Variants in CSF2RA observed in about 807,000 individuals in gnomAD.
CSF2RA encodes the protein granulocyte-macrophage colony-stimulating factor receptor subunit alpha.
In CSF2RA, 42 loss-of-function variants were observed where a neutral mutation model predicts 51.6. The ratio of observed to expected loss-of-function variants is 0.81; its 90% CI spans 0.64 to 1.05. The LOEUF is 1.05. Ranked by LOEUF, CSF2RA falls within the 50% of genes least tolerant of loss-of-function variation. The pLI is 0.00. For synonymous variants in CSF2RA, 222 were observed against 193.0 expected (o/e 1.15, Z -1.24); for missense variants, 530 against 501.1 (o/e 1.06, Z -0.55).
chrX:1,277,899 C>A (rs2089404472), intron 2 of CSF2RA, among the ~76,000 whole-genome samples: 1 of 144,516 alleles, frequency 6.9e-6, no homozygotes. Context: ...ATTGCTTCAA[C>A]TTGGGAGACG....
At chrX:1,279,039 A>C (rs1311863008) in intron 2 of CSF2RA, among the ~76,000 whole-genome samples, 2 of 149,904 alleles carry the variant, frequency 1.3e-5, no homozygotes, top group East Asian at 3.9e-4. Flanking sequence ...TCCATCTCCA[A>C]AAAATAAATA....
Position 1,285,800 on chromosome X carries a change from C to A in CSF2RA, c.99C>A (p.Ala33=). The A allele has an allele frequency of 6.2e-7, 1 of 1,613,456 alleles. No homozygotes were observed. Among genetic ancestry groups the A allele is most frequent in the Non-Finnish European group, 8.5e-7 (1 of 1,179,794 alleles). The stretch of plus-strand genomic sequence containing the variant: ...CAGATCTGCGAACAGTGGCACCAGC[C>A]TCTAGTCTCAATGTGAGGTTTGACT... ...EKSDLRTVAP[A]SSLNVRFDSR... The change falls in exon 4 of 13, where the codon GCC becomes GCA. Residue 33 remains alanine, a synonymous_variant. Transcript: ENST00000381529.
At chrX:1,283,910 G>T (rs777248410) in intron 3 of CSF2RA, among the ~76,000 whole-genome samples, 1 of 152,062 alleles carries the variant, frequency 6.6e-6, no homozygotes, top group Non-Finnish European at 1.5e-5. Flanking sequence ...TGTGACTGGC[G>T]TGGAATGATA....
chrX:1,274,253 G>A lies in CSF2RA; in HGVS notation c.-90-502G>A, dbSNP rs770565873. Among the ~76,000 whole-genome samples, 14 of 152,108 alleles carry A rather than the reference G, an allele frequency of 9.2e-5. No homozygotes were observed. In the East Asian group the frequency reaches 2.5e-3, roughly 27 times the overall value. ...GTTAAGGACGCCTGCCCATGACAGAGCCTCAGGAAATCGCGATGACAGGTG... is the reference window on the plus strand; with the variant it reads ...GTTAAGGACGCCTGCCCATGACAGAACCTCAGGAAATCGCGATGACAGGTG... On this transcript the variant is annotated intron_variant, in intron 1 of 12. Transcript: ENST00000381529.
downstream of CSF2RA, among the ~76,000 whole-genome samples, chrX:1,314,596 GCCCAACCCC>G (rs2084424174): frequency 7.2e-5 from 2 of 27,684 alleles, no homozygotes; most frequent in African/African-American, 1.3e-4. Flanking sequence ...CACTGCACCT[GCCCAACCCC>G]ACTGCACCTG....
chrX:1,285,908 C>T lies in CSF2RA; in HGVS notation c.207C>T (p.Val69=), dbSNP rs1232725447. The part of the protein sequence containing the change: ...KCFLTDKKNR[V]VEPRLSNNEC... ...TCTTAACTGACAAGAAGAACAGAGT[C>T]GTGGAACCCAGGGTGAGACGAATTT... Residue 69 remains valine, a synonymous_variant, in exon 4 of 13, where the codon GTC becomes GTT. Transcript: ENST00000381529. The T allele has an allele frequency of 2.0e-5, 32 of 1,613,674 alleles. No individual in the cohort carries two copies. The highest frequency in any genetic ancestry group is 4.5e-5 in the East Asian group (2 of 44,878).
chrX:1,280,940 C>CCTCCTCCTCCTT (rs2089890446), intron 2 of CSF2RA, among the ~76,000 whole-genome samples: 1 of 120,548 alleles, frequency 8.3e-6, no homozygotes, highest in Non-Finnish European at 1.7e-5. Flanking sequence ...TCCTCCTCCT[C>CCTCCTCCTCCTT]CTCCTGCTTC....
the CSF2RA span, among the ~76,000 whole-genome samples, chrX:1,317,884 G>A: frequency 6.6e-6 from 1 of 150,718 alleles, no homozygotes; most frequent in African/African-American, 2.4e-5. Flanking sequence ...TTGGCTCACG[G>A]CAGCCTCAAC....
intron 2 of CSF2RA, among the ~76,000 whole-genome samples, chrX:1,279,109 G>C (rs191141995): frequency 0.06 from 9,012 of 150,934 alleles, 394 homozygotes; most frequent in African/African-American, 0.1. Flanking sequence ...CCATCACTTT[G>C]GGAGGCCGAG....
At chrX:1,283,505 C>T (rs755762936) in intron 3 of CSF2RA, among the ~76,000 whole-genome samples, 14 of 131,318 alleles carry the variant, frequency 1.1e-4, no homozygotes, top group African/African-American at 3.8e-4. Flanking sequence ...TTTCTTTCTC[C>T]TTTTTTTTTC....
rs745615476 is a variant in CSF2RA at position 1,288,492 on chromosome X, C to T, written c.220-27C>T. The T allele has an allele frequency of 5.8e-5, 93 of 1,613,814 alleles. 2 individuals are homozygous for T. The South Asian group carries it at 8.8e-4, about 15-fold the overall frequency. ...AGGAGACAGAAGGTTGTTTCCTAAT[C>T]GGCTCTGTCTGGTTGCAATTCTTCA... is the stretch of plus-strand genomic sequence containing the variant. On this transcript the variant is annotated intron_variant, in intron 4 of 12. Transcript: ENST00000381529.
intron 12 of CSF2RA, among the ~76,000 whole-genome samples, chrX:1,306,123 CAA>C (rs1399278253): frequency 2.0e-5 from 3 of 151,458 alleles, no homozygotes; most frequent in African/African-American, 7.3e-5. Flanking sequence ...GAAATAGAGA[CAA>C]GAGACAGAGG....
chrX:1,319,683 T>G, the CSF2RA span, among the ~76,000 whole-genome samples: 11 of 148,288 alleles, frequency 7.4e-5, 2 homozygotes, highest in South Asian at 2.5e-3. Context: ...CCCAAAGTTC[T>G]GGAATTACAG....
Position 1,288,513 on chromosome X carries a change from C to G in CSF2RA, c.220-6C>G, listed in dbSNP as rs763069762. On this transcript the variant is annotated splice_region_variant and splice_polypyrimidine_tract_variant and intron_variant, in intron 4 of 12. Transcript: ENST00000381529. ...TAATCGGCTCTGTCTGGTTGCAATT[C>G]TTCAGCTCAGTAACAACGAATGTTC... is the stretch of plus-strand genomic sequence containing the variant. 6.2e-7 allele frequency: 1 copy of G among 1,613,956 alleles called. No homozygotes were observed. The highest frequency in any genetic ancestry group is 1.3e-5 in the African/African-American group (1 of 75,042).
At position 1,302,357 on chromosome X, in the gene CSF2RA, G is replaced by T. The variant is rs868041712; in HGVS notation, c.947-1566G>T. ...GTATGCGGTTTTCACCTCAACAAAG[G>T]GTACAGAAGAAAAATTGTGAGCTGC... On this transcript the variant is annotated intron_variant, in intron 10 of 12. Transcript: ENST00000381529. 3.3e-5 allele frequency among the ~76,000 whole-genome samples: 5 copies of T among 151,976 alleles called. 1 individual carries two copies. The highest frequency in any genetic ancestry group is 1.3e-4 in the Admixed American group (2 of 15,236).
At chrX:1,314,525 AT>A (rs2084405161), downstream of CSF2RA, among the ~76,000 whole-genome samples, 19 of 107,622 alleles carry the variant, frequency 1.8e-4, 1 homozygote, top group East Asian at 3.3e-4. Flanking sequence ...CACCTGCCCA[AT>A]CCCACTGCAC....
In CSF2RA at chrX:1,309,846, C is replaced by T; in HGVS notation, c.*367C>T. ...GAGGTTGTAGTGAGCCAAGATCGCA[C>T]CATTGCACACCAACCTGCGTGACAG... On this transcript the variant is annotated 3_prime_UTR_variant, in exon 13 of 13. Transcript: ENST00000381529. 1.7e-6 allele frequency: 1 copy of T among 598,396 alleles called. No homozygotes were observed. Among genetic ancestry groups the T allele is most frequent in the Non-Finnish European group, 3.0e-6 (1 of 336,924 alleles). 37.1% of individuals were successfully genotyped at this position (598,396 alleles called of 1,614,324 possible). A position where few individuals can be genotyped will look rare whatever the true frequency, so the allele number is the denominator to read the frequency against.
Position 1,300,766 on chromosome X carries a change from C to T in CSF2RA, c.946+140C>T, listed in dbSNP as rs141048905. On this transcript the variant is annotated intron_variant, in intron 10 of 12. Transcript: ENST00000381529. Reference sequence around the variant, plus strand: ...GAGTAGTGTCAGGCTCTGAGCTTATCGCTGAGGCTCAAAAGAAGGAGGTGG... The same window carrying T: ...GAGTAGTGTCAGGCTCTGAGCTTATTGCTGAGGCTCAAAAGAAGGAGGTGG... 6.6e-5 allele frequency: 73 copies of T among 1,097,986 alleles called. No individual in the cohort carries two copies. The East Asian group carries it at 1.3e-3, about 19-fold the overall frequency. 68.0% of individuals were successfully genotyped at this position (1,097,986 alleles called of 1,614,324 possible).
chrX:1,274,762 C>A lies in CSF2RA; in HGVS notation c.-83C>A, dbSNP rs1317891586. 1 of 453,276 alleles carries A rather than the reference C, an allele frequency of 2.2e-6. No homozygotes were observed. The highest frequency in any genetic ancestry group is 4.4e-6 in the Non-Finnish European group (1 of 226,718). 28.1% of individuals were successfully genotyped at this position (453,276 alleles called of 1,614,324 possible). On this transcript the variant is annotated 5_prime_UTR_variant, in exon 2 of 13. Transcript: ENST00000381529. ...CTTATTTACCTTTCACAGTTTACAGCAGGAAAATCCGTGGAGACAGCAGAT... is the reference window on the plus strand; with the variant it reads ...CTTATTTACCTTTCACAGTTTACAGAAGGAAAATCCGTGGAGACAGCAGAT...
Sources: allele counts gnomAD v4.1 joint callset (sites outside exome capture counted in the v4.1 genomes callset), GRCh38; gene constraint gnomAD v4.1.1; transcripts MANE v1.5; gene names NCBI Gene and HGNC (gene_info 2026-07-23, HGNC 2026-07-21).